The following ATF6B variants were observed in gnomAD, a reference collection of about 807,000 sequenced individuals.
ATF6B encodes the protein cyclic AMP-dependent transcription factor ATF-6 beta.
A neutral mutation model predicts 83.5 loss-of-function variants in ATF6B; 50 were observed. The ratio of observed to expected loss-of-function variants is 0.60; its 90% confidence interval spans 0.48 to 0.76. The LOEUF (loss-of-function observed/expected upper bound fraction) is 0.76. Ranked by LOEUF, ATF6B falls within the 30% of genes least tolerant of loss-of-function variation. ATF6B has a pLI of 0.00. For synonymous variants in ATF6B, 344 were observed against 362.8 expected (o/e 0.95, Z 0.59); for missense variants, 790 against 893.8 (o/e 0.88, Z 1.48).
At chr6:32,128,017 G>A (rs1782060782) in intron 1 of ATF6B, 100 bp downstream of exon 1, 4 of 1,420,984 alleles carry the variant, frequency 2.8e-6, no homozygotes, top group African/African-American at 1.4e-5. Context: ...TCAGATGGCG[G>A]ATTCCGTATT....
At chr6:32,126,556 C>T (rs1341636146) in intron 4 of ATF6B, among the ~76,000 whole-genome samples, 1 of 152,138 alleles carries the variant, frequency 6.6e-6, no homozygotes, top group Non-Finnish European at 1.5e-5. Flanking sequence ...CCACATAACT[C>T]TTTATATTAA....
Position 32,128,211 on chromosome 6 carries a change from T to TGGGCC in ATF6B, c.-5_-4insGGCCC. 7 of 1,535,992 alleles carry TGGGCC rather than the reference T, an allele frequency of 4.6e-6. No individual in the cohort carries two copies. Among genetic ancestry groups the TGGGCC allele is most frequent in the African/African-American group, 1.5e-5 (1 of 67,096 alleles). On this transcript the variant is annotated 5_prime_UTR_variant, in exon 1 of 18. Coordinates refer to ENST00000375203, the MANE Select transcript of ATF6B (RefSeq NM_004381.5). Reference sequence around the variant, plus strand: ...TGAGCAGCATCAGCTCCGCCATCTTTCCCCCCCACCCCCCAACCAGGAGAC... The same window carrying TGGGCC: ...TGAGCAGCATCAGCTCCGCCATCTTTGGGCCCCCCCCCACCCCCCAACCAGGAGAC...
intron 4 of ATF6B, among the ~76,000 whole-genome samples, chr6:32,126,751 T>C (rs1781995312): frequency 6.6e-6 from 1 of 151,856 alleles, no homozygotes; most frequent in Non-Finnish European, 1.5e-5. Flanking sequence ...TCCCAACTAC[T>C]CAGGAGGCTG....
chr6:32,117,679 G>A lies in ATF6B; in HGVS notation c.1440C>T (p.Phe480=). 6.2e-7 allele frequency: 1 copy of A among 1,614,114 alleles called. No homozygotes were observed. The highest frequency in any genetic ancestry group is 8.5e-7 in the Non-Finnish European group (1 of 1,179,996). Residue 480 remains phenylalanine (F), a synonymous_variant, in exon 13 of 18, where the codon TTC becomes TTT. Coordinates refer to ENST00000375203, the MANE Select transcript of ATF6B (RefSeq NM_004381.5). The surrounding 1 kb of genome is among the most constrained non-coding windows in gnomAD (Gnocchi z 5.0). The stretch of plus-strand genomic sequence containing the variant: ...GTAGTAGCTCCTTGGCGCCCCCAGG[G>A]AAGGCTGTCAGGTTGCTGGAGTGAA... ...DQPSFSNLTA[F]PGGAKELLLR... is the part of the protein sequence containing the mutation.
chr6:32,121,327 G>T lies in ATF6B; in HGVS notation c.500C>A (p.Pro167His). The change falls in exon 6 of 18, where the codon CCT (proline) becomes CAT (histidine). Residue 167 changes from proline to histidine, a missense_variant. Coordinates refer to ENST00000375203, the MANE Select transcript of ATF6B (RefSeq NM_004381.5). ...DSSDVQTKIE[P>H]VSPCSSVNSE... is the part of the protein sequence containing the mutation. The stretch of plus-strand genomic sequence containing the variant: ...GTTGACGGAAGAACATGGAGAGACA[G>T]GTTCTATCTTGGTCTGGACATCTGT... The T allele has an allele frequency of 6.2e-7, 1 of 1,614,068 alleles. No individual in the cohort carries two copies. The highest frequency in any genetic ancestry group is 1.7e-5 in the Admixed American group (1 of 60,014).
At chr6:32,122,863 A>C (rs1781819497) in intron 5 of ATF6B, among the ~76,000 whole-genome samples, 1 of 150,620 alleles carries the variant, frequency 6.6e-6, no homozygotes, top group South Asian at 2.1e-4. Flanking sequence ...AAAAAAAAAA[A>C]AACTTCCCTT....
chr6:32,121,204 C>A, intron 6 of ATF6B, 59 bp downstream of exon 6: 1 of 1,610,172 alleles, frequency 6.2e-7, no homozygotes, highest in Non-Finnish European at 8.5e-7. Flanking sequence ...GCTCTCATAC[C>A]TCTAGGTCAG....
chr6:32,117,631 G>A lies in ATF6B; in HGVS notation c.1488C>T (p.Phe496=). ...TGAAGTGCCGGCAATCAGAGGAGAG[G>A]AAGAGCTGGTCTAGGTCTCTTAGTA... ...ELLLRDLDQL[F]LSSDCRHFNR... Residue 496 remains phenylalanine, a synonymous_variant, in exon 13 of 18, where the codon TTC becomes TTT. Transcript: ENST00000375203. This position sits in a 1 kb window ranked among gnomAD's most constrained non-coding sequence, Gnocchi z 5.0. 6.2e-7 allele frequency: 1 copy of A among 1,614,218 alleles called. No homozygotes were observed. Among genetic ancestry groups the A allele is most frequent in the Non-Finnish European group, 8.5e-7 (1 of 1,180,034 alleles).
Position 32,127,730 on chromosome 6 carries a change from G to C in ATF6B, c.112C>G (p.Leu38Val). 6.2e-7 allele frequency: 1 copy of C among 1,614,174 alleles called. No individual in the cohort carries two copies. Among genetic ancestry groups the C allele is most frequent in the South Asian group, 1.1e-5 (1 of 91,084 alleles). ...GTCTGCTCCTCGGCCACTTCATCTA[G>C]GCCAGAATACAAGGTGCTGTCTGCA... ...GLQNSTLYSG[L>V]DEVAEEQTQL... Residue 38 changes from leucine (L) to valine (V), a missense_variant, in exon 2 of 18, where the codon CTA becomes GTA. Transcript: ENST00000375203.
Position 32,127,109 on chromosome 6 carries a change from G to A in ATF6B, c.336C>T (p.Ser112=). The change falls in exon 4 of 18, where the codon TCC becomes TCT. Residue 112 remains serine, a synonymous_variant. Transcript: ENST00000375203. ...AGGGATATGGCTCTCTCACCTCGCT[G>A]GATGGCTCTGTGGAGAGACGCGATG... The part of the protein sequence containing the change: ...SESSRLSTEP[S]SEALGVGEVL... The A allele has an allele frequency of 6.2e-7, 1 of 1,601,314 alleles. No individual in the cohort carries two copies. Among genetic ancestry groups the A allele is most frequent in the Non-Finnish European group, 8.5e-7 (1 of 1,174,142 alleles).
chr6:32,122,532 C>T (rs755455818), intron 5 of ATF6B, among the ~76,000 whole-genome samples: 82 of 151,882 alleles, frequency 5.4e-4, no homozygotes, highest in African/African-American at 1.7e-3. Context: ...CAAATCCAAA[C>T]GAACAAAGGA....
Position 32,120,796 on chromosome 6 carries a change from C to T in ATF6B, c.807G>A (p.Leu269=). The change falls in exon 8 of 18, where the codon CTG becomes CTA. Residue 269 remains leucine (L), a synonymous_variant. Transcript: ENST00000375203. ...RAVPPSTTVL[L]QSLVQPPPVS... is the part of the protein sequence containing the mutation. ...CTGGGGGTGGCTGGACGAGGGACTG[C>T]AGAAGGACTGTGGTGCTGGGAGGCA... 6.2e-7 allele frequency: 1 copy of T among 1,610,580 alleles called. No individual in the cohort carries two copies. Among genetic ancestry groups the T allele is most frequent in the Non-Finnish European group, 8.5e-7 (1 of 1,178,120 alleles).
At position 32,118,391 on chromosome 6, in the gene ATF6B, G is replaced by A. The variant is rs1438249232; in HGVS notation, c.1245-353C>T. Among the ~76,000 whole-genome samples, 4 of 152,146 alleles carry A rather than the reference G, an allele frequency of 2.6e-5. No individual in the cohort carries two copies. The highest frequency in any genetic ancestry group is 6.5e-5 in the Admixed American group (1 of 15,286). ...GCAGACTGCCTGAGCTCAGGAGTTCGAGACCAGCCTGGGCAACAACAGTGA... is the reference window on the plus strand; with the variant it reads ...GCAGACTGCCTGAGCTCAGGAGTTCAAGACCAGCCTGGGCAACAACAGTGA... On this transcript the variant is annotated intron_variant, in intron 11 of 17. Coordinates refer to ENST00000375203, the MANE Select transcript of ATF6B (RefSeq NM_004381.5). The surrounding 1 kb of genome is among the most constrained non-coding windows in gnomAD (Gnocchi z 5.2).
Position 32,116,013 on chromosome 6 carries a change from C to A in ATF6B, c.1883-45G>T, listed in dbSNP as rs763247015. 6 of 1,466,358 alleles carry A rather than the reference C, an allele frequency of 4.1e-6. No homozygotes were observed. In the African/African-American group the frequency reaches 5.6e-5, roughly 14 times the overall value. 90.8% of individuals were successfully genotyped at this position (1,466,358 alleles called of 1,614,324 possible). A position where few individuals can be genotyped will look rare whatever the true frequency, so the allele number is the denominator to read the frequency against. ...AAGGAAGAGGAGATGGGGAGGCAAACAGGGATTGCAGGGAGGAGGGGAGGA... is the reference window on the plus strand; with the variant it reads ...AAGGAAGAGGAGATGGGGAGGCAAAAAGGGATTGCAGGGAGGAGGGGAGGA... On this transcript the variant is annotated intron_variant, in intron 17 of 17. Coordinates refer to ENST00000375203, the MANE Select transcript of ATF6B (RefSeq NM_004381.5). The surrounding 1 kb of genome is among the most constrained non-coding windows in gnomAD (Gnocchi z 5.1).
At chr6:32,126,279 G>T in intron 4 of ATF6B, 27 bp from the exon 5 acceptor site, 1 of 1,609,762 alleles carries the variant, frequency 6.2e-7, no homozygotes, top group Non-Finnish European at 8.5e-7. Context: ...GTGGGGCAGG[G>T]GGCAGAAAGA....
chr6:32,127,137 T>G lies in ATF6B; in HGVS notation c.308A>C (p.Glu103Ala). The G allele has an allele frequency of 6.2e-7, 1 of 1,610,874 alleles. No individual in the cohort carries two copies. Among genetic ancestry groups the G allele is most frequent in the Non-Finnish European group, 8.5e-7 (1 of 1,178,956 alleles). The change falls in exon 4 of 18, where the codon GAG becomes GCG. Residue 103 changes from glutamate (E) to alanine (A), a missense_variant. Physicochemically the swap from Glu to Ala is moderately radical, Grantham distance 107 (BLOSUM62 -1). Around this residue, in one of 3 missense-constraint regions of ATF6B, gnomAD observed 253 missense variants for 243.1 expected, o/e 1.04. Coordinates refer to ENST00000375203, the MANE Select transcript of ATF6B (RefSeq NM_004381.5). ...TGGCTCTGTGGAGAGACGCGATGAC[T>G]CGGAGCTGAGGGAGGAGGAAGAGCA... ...SPCSSSSLSS[E>A]SSRLSTEPSS... is the part of the protein sequence containing the mutation.
chr6:32,122,564 C>G (rs1781803962), intron 5 of ATF6B, among the ~76,000 whole-genome samples: 2 of 152,048 alleles, frequency 1.3e-5, no homozygotes, highest in Non-Finnish European at 2.9e-5. Context: ...AAAAAAAAAT[C>G]TTGGCGGGGC....
In ATF6B at chr6:32,128,103, C is replaced by T. The variant is rs780244179; in HGVS notation, c.91+14G>A. 4 of 1,612,592 alleles carry T rather than the reference C, an allele frequency of 2.5e-6. No individual in the cohort carries two copies. The African/African-American group carries it at 5.3e-5, about 22-fold the overall frequency. ...ACAGTTTGCCACAGCCCTCTCCCCT[C>T]CCCGGTGCCTCACTCTGCAGACCCC... On this transcript the variant is annotated intron_variant, in intron 1 of 17. Coordinates refer to ENST00000375203, the MANE Select transcript of ATF6B (RefSeq NM_004381.5).
intron 1 of ATF6B, 103 bp downstream of exon 1, chr6:32,128,014 G>A: frequency 3.6e-6 from 5 of 1,397,780 alleles, no homozygotes; most frequent in Admixed American, 3.5e-5. Context: ...CCTTCAGATG[G>A]CGGATTCCGT....
Sources: gnomAD v4.1 joint callset for allele counts (sites outside exome capture counted in the v4.1 genomes callset) on GRCh38, gnomAD v4.1.1 for gene constraint, gnomAD v4.1.1 regional missense constraint, Gnocchi (gnomAD v3.1) non-coding constraint, MANE v1.5 for transcripts, NCBI Gene and HGNC (gene_info 2026-07-23, HGNC 2026-07-21) for gene names.